Variants in IGSF10 observed in about 807,000 individuals in gnomAD.
IGSF10 encodes the protein immunoglobulin superfamily member 10.
IGSF10 carries 126 observed loss-of-function variants against 128.2 expected under a neutral mutation model. The observed-to-expected ratio is 0.98, with a 90% CI of 0.85 to 1.14. IGSF10 has a LOEUF of 1.14. Among genes scored for constraint, IGSF10 ranks in the 50% most tolerant of loss-of-function variants. The probability of loss-of-function intolerance (pLI) is 0.00; values close to 1 mark genes in which losing one functional copy is unlikely to be tolerated. For missense variants in IGSF10, 3,295 were observed against 3,149.8 expected (o/e 1.05, Z -1.10); for synonymous variants, 1,185 against 1,146.2 (o/e 1.03, Z -0.68).
At chr3:151,609,973 C>T in the IGSF10 span, among the ~76,000 whole-genome samples, 5 of 151,956 alleles carry the variant, frequency 3.3e-5, no homozygotes, top group Admixed American at 6.6e-5. Flanking sequence ...CTACATGTAC[C>T]CCCTTGAATC....
At chr3:151,614,762 G>A in the IGSF10 span, among the ~76,000 whole-genome samples, 1 of 151,888 alleles carries the variant, frequency 6.6e-6, no homozygotes, top group Admixed American at 6.6e-5. Flanking sequence ...CATGGCACAT[G>A]TATATATATG....
chr3:151,442,380 A>ATTTTTTTTTTT (rs3975405), intron 7 of IGSF10, among the ~76,000 whole-genome samples: 1 of 124,538 alleles, frequency 8.0e-6, no homozygotes, highest in Non-Finnish European at 1.6e-5. Flanking sequence ...TACAATTACT[A>ATTTTTTTTTTT]TTTTTTTTTT....
At chr3:151,587,364 T>C in the IGSF10 span, among the ~76,000 whole-genome samples, 1 of 152,174 alleles carries the variant, frequency 6.6e-6, no homozygotes, top group Non-Finnish European at 1.5e-5. Context: ...ATATGTAAGT[T>C]TGGCTCAGAC....
At chr3:151,496,664 C>A in the IGSF10 span, among the ~76,000 whole-genome samples, 7 of 150,758 alleles carry the variant, frequency 4.6e-5, no homozygotes, top group African/African-American at 1.7e-4. Flanking sequence ...TTTATAGCAG[C>A]ATGATTTATA....
the IGSF10 span, among the ~76,000 whole-genome samples, chr3:151,600,610 A>T: frequency 2.6e-5 from 4 of 152,306 alleles, no homozygotes; most frequent in African/African-American, 9.6e-5. Flanking sequence ...GATTTCTTCA[A>T]GAAAAATTTC....
chr3:151,570,304 C>T, the IGSF10 span, among the ~76,000 whole-genome samples: 30,685 of 152,122 alleles, frequency 0.2, 3,790 homozygotes, highest in South Asian at 0.47. Flanking sequence ...CCTGAGGAAT[C>T]GCCACACTGT....
Position 151,447,917 on chromosome 3 carries a change from A to G in IGSF10, c.2064T>C (p.Ala688=). 6.2e-7 allele frequency: 1 copy of G among 1,614,044 alleles called. No individual in the cohort carries two copies. Among genetic ancestry groups the G allele is most frequent in the Middle Eastern group, 1.6e-4 (1 of 6,062 alleles). The stretch of plus-strand genomic sequence containing the variant: ...GTGCACCTGGTGGCTCCTTAAGATG[A>G]GCAATAGGATTGGACTCATCAAGTC... The part of the protein sequence containing the change: ...GSGLDESNPI[A]HLKEPPGAQL... The change falls in exon 6 of 8, where the codon GCT becomes GCC. Residue 688 remains alanine (A), a synonymous_variant. Coordinates refer to ENST00000282466, the MANE Select transcript of IGSF10 (RefSeq NM_178822.5).
the IGSF10 span, among the ~76,000 whole-genome samples, chr3:151,544,723 A>T: frequency 6.0e-5 from 9 of 150,968 alleles, no homozygotes; most frequent in Non-Finnish European, 5.9e-5. Context: ...CTGGGGTTTG[A>T]AATGCATTGT....
At chr3:151,591,281 C>T in the IGSF10 span, among the ~76,000 whole-genome samples, 20 of 150,832 alleles carry the variant, frequency 1.3e-4, no homozygotes, top group Non-Finnish European at 2.4e-4. Context: ...TATTAGGCAA[C>T]CAGAGTAGAG....
the IGSF10 span, among the ~76,000 whole-genome samples, chr3:151,466,540 T>TA: frequency 2.0e-5 from 3 of 152,330 alleles, no homozygotes; most frequent in African/African-American, 7.2e-5. Flanking sequence ...ATTTTATGTA[T>TA]AAAAATTATG....
the IGSF10 span, among the ~76,000 whole-genome samples, chr3:151,476,974 T>G: frequency 6.6e-6 from 1 of 152,238 alleles, no homozygotes; most frequent in East Asian, 1.9e-4. Context: ...AAAACCAAAA[T>G]TATGGGCAAA....
the IGSF10 span, among the ~76,000 whole-genome samples, chr3:151,618,776 T>TTAAAAA: frequency 6.7e-6 from 1 of 148,902 alleles, no homozygotes; most frequent in Admixed American, 6.7e-5. Context: ...AATTAAAAAA[T>TTAAAAA]TAAAAATAAA....
At chr3:151,522,751 G>A in the IGSF10 span, among the ~76,000 whole-genome samples, 2 of 152,132 alleles carry the variant, frequency 1.3e-5, no homozygotes, top group African/African-American at 4.8e-5. Flanking sequence ...GCAAAAGCTT[G>A]AAGCATTCCC....
At chr3:151,572,437 G>A in the IGSF10 span, among the ~76,000 whole-genome samples, 1 of 152,064 alleles carries the variant, frequency 6.6e-6, no homozygotes, top group African/African-American at 2.4e-5. Context: ...CTTCTTCTTG[G>A]TTTAGTCTTG....
rs1162110797 is a variant in IGSF10 at position 151,448,059 on chromosome 3, C to A, written c.1922G>T (p.Gly641Val). ...GTTGGCTGCCACACAGCGATAATAA[C>A]CTTGGTCTTTCGGGGTGACCTGTAA... is the stretch of plus-strand genomic sequence containing the variant. ...RILQVTPKDQ[G>V]YYRCVAANPS... The change falls in exon 6 of 8, where the codon GGT becomes GTT. Residue 641 changes from glycine (G) to valine (V), a missense_variant. By Grantham distance (109) the Gly-to-Val change is moderately radical. Transcript: ENST00000282466. 1 of 1,614,140 alleles carries A rather than the reference C, an allele frequency of 6.2e-7. No individual in the cohort carries two copies. Among genetic ancestry groups the A allele is most frequent in the Admixed American group, 1.7e-5 (1 of 60,004 alleles).
chr3:151,580,275 C>A, the IGSF10 span, among the ~76,000 whole-genome samples: 1 of 151,878 alleles, frequency 6.6e-6, no homozygotes, highest in Non-Finnish European at 1.5e-5. Context: ...GGACTTTACA[C>A]GTAAGAAAAA....
the IGSF10 span, among the ~76,000 whole-genome samples, chr3:151,569,840 C>T: frequency 1.3e-5 from 2 of 152,096 alleles, no homozygotes; most frequent in Non-Finnish European, 2.9e-5. Context: ...CCCATTAACT[C>T]ATCATTTACA....
chr3:151,556,439 G>T, the IGSF10 span, among the ~76,000 whole-genome samples: 6 of 152,114 alleles, frequency 3.9e-5, no homozygotes, highest in Admixed American at 6.6e-5. Flanking sequence ...CTAAGGAAAA[G>T]GTTATGTTAT....
the IGSF10 span, among the ~76,000 whole-genome samples, chr3:151,525,945 C>G: frequency 3.9e-5 from 6 of 152,156 alleles, no homozygotes; most frequent in Non-Finnish European, 7.3e-5. Flanking sequence ...CACCCACACT[C>G]AAGGGGAGGG....
Sources: allele counts gnomAD v4.1 joint callset (sites outside exome capture counted in the v4.1 genomes callset), GRCh38; gene constraint gnomAD v4.1.1; transcripts MANE v1.5; gene names NCBI Gene and HGNC (gene_info 2026-07-23, HGNC 2026-07-21).